Variants in MEGF6 observed in about 807,000 individuals in gnomAD.
MEGF6 encodes the protein multiple epidermal growth factor-like domains protein 6.
MEGF6 carries 184 observed loss-of-function variants against 207.1 expected under a neutral mutation model. The observed-to-expected ratio is 0.89, with a 90% CI of 0.79 to 1.00. The LOEUF (loss-of-function observed/expected upper bound fraction) is 1.00, where lower values mean the gene tolerates loss of function less well. MEGF6 is among the 50% of genes least tolerant of loss of function. MEGF6 has a pLI of 0.00. For missense variants in MEGF6, 2,282 were observed against 2,202.9 expected, an observed-to-expected ratio of 1.04 and a Z score of -0.72; for synonymous variants, 1,038 against 910.0, an observed-to-expected ratio of 1.14 and a Z score of -2.53.
At chr1:3,491,785 G>A (rs1443848679) in intron 35 of MEGF6, among the ~76,000 whole-genome samples, 2 of 150,426 alleles carry the variant, frequency 1.3e-5, no homozygotes, top group South Asian at 4.3e-4. Flanking sequence ...TGGGGGGGGG[G>A]GTGCGGGCAG....
intron 4 of MEGF6, among the ~76,000 whole-genome samples, chr1:3,577,971 C>CG (rs1295682663): frequency 6.6e-6 from 1 of 152,240 alleles, no homozygotes; most frequent in Non-Finnish European, 1.5e-5. Flanking sequence ...GCCGATGCCC[C>CG]GGGGTCCACG....
At chr1:3,511,957 A>T in intron 8 of MEGF6, 49 bp downstream of exon 8, 1 of 1,610,430 alleles carries the variant, frequency 6.2e-7, no homozygotes, top group Non-Finnish European at 8.5e-7. Context: ...CCTGGGGAGC[A>T]GCATGGCCAT....
At chr1:3,569,770 C>T (rs922902715) in intron 4 of MEGF6, among the ~76,000 whole-genome samples, 3 of 152,220 alleles carry the variant, frequency 2.0e-5, no homozygotes, top group Admixed American at 1.3e-4. Flanking sequence ...CCAGGCAGCA[C>T]AGGGGCAGTT....
chr1:3,592,658 A>C (rs1643998333), intron 3 of MEGF6, among the ~76,000 whole-genome samples: 1 of 151,386 alleles, frequency 6.6e-6, no homozygotes, highest in African/African-American at 2.4e-5. Flanking sequence ...CACCCCTCCC[A>C]CCCTTGGGGC....
chr1:3,611,156 A>G lies in MEGF6; in HGVS notation c.113T>C (p.Leu38Pro). Reference sequence around the variant, plus strand: ...TACTCACATGCCGGGCTGCAGCGGGAGCAGGGGCCGCGGCGGAACGCTGGC... The same window carrying G: ...TACTCACATGCCGGGCTGCAGCGGGGGCAGGGGCCGCGGCGGAACGCTGGC... ...VGASVPPRPLLPLQPGMPHVC... is the reference protein window; with the variant it reads ...VGASVPPRPLPPLQPGMPHVC... Residue 38 changes from leucine (L) to proline (P), a missense_variant, in exon 1 of 37, where the codon CTC (leucine) becomes CCC (proline). Physicochemically the swap from Leu to Pro is moderately conservative, Grantham distance 98. Coordinates refer to ENST00000356575, the MANE Select transcript of MEGF6 (RefSeq NM_001409.4). 1 of 1,529,740 alleles carries G rather than the reference A, an allele frequency of 6.5e-7. No homozygotes were observed. Among genetic ancestry groups the G allele is most frequent in the Non-Finnish European group, 8.7e-7 (1 of 1,147,562 alleles). The allele number at this position is 1,529,740 out of a possible 1,614,324, so 94.8% of individuals were successfully genotyped here.
rs768473048 is a variant in MEGF6, at chr1:3,560,705, A to T, written c.481+19120T>A. 5.5e-5 allele frequency: 25 copies of T among 456,562 alleles called. No individual in the cohort carries two copies. Among genetic ancestry groups the T allele is most frequent in the African/African-American group, 4.7e-4 (23 of 49,270 alleles). The allele number at this position is 456,562 out of a possible 1,614,324, so 28.3% of individuals were successfully genotyped here. A position where few individuals can be genotyped will look rare whatever the true frequency, so the allele number is the denominator to read the frequency against. ...CCTCCCCATCTGTGGTTTCCAGGGC[A>T]ACCCTGGAAACCAAGAGTGGGTCGC... On this transcript the variant is annotated intron_variant, in intron 4 of 36. Transcript: ENST00000356575. The surrounding 1 kb of genome is among the most constrained non-coding windows in gnomAD (Gnocchi z 4.0).
chr1:3,559,930 G>C (rs1643145961), intron 4 of MEGF6, among the ~76,000 whole-genome samples: 1 of 151,062 alleles, frequency 6.6e-6, no homozygotes, highest in Admixed American at 6.6e-5. Flanking sequence ...AGAATGGCAT[G>C]AACCCGGGAG....
In MEGF6 at chr1:3,506,172, C is replaced by A. The variant is rs759209527; in HGVS notation, c.1854G>T (p.Arg618=). The A allele has an allele frequency of 6.3e-7, 1 of 1,595,804 alleles. No individual in the cohort carries two copies. Residue 618 remains arginine, a synonymous_variant, in exon 15 of 37, where the codon CGG becomes CGT. Transcript: ENST00000356575. ...GGCAGGCCCCGTAGAGGCGGTGGCA[C>A]CGGCCCCGGTTGGCACAGTTGCATT... The part of the protein sequence containing the change: ...RKKCNCANRG[R]CHRLYGACLC...
intron 4 of MEGF6, among the ~76,000 whole-genome samples, chr1:3,554,342 C>T (rs780869433): frequency 4.6e-5 from 7 of 151,838 alleles, no homozygotes; most frequent in African/African-American, 7.3e-5. Flanking sequence ...GAAAAGCCAG[C>T]GGGGTCTAAC....
In MEGF6 at chr1:3,504,804, C is replaced by T. The variant is rs1050900223; in HGVS notation, c.2188+404G>A. ...ACTGCACCCAGACCACTCTCTGAAC[C>T]GCCACCTCCAGGGGCAGCCTCTGCT... On this transcript the variant is annotated intron_variant, in intron 17 of 36. Transcript: ENST00000356575. 7.9e-5 allele frequency among the ~76,000 whole-genome samples: 12 copies of T among 152,304 alleles called. No homozygotes were observed. The East Asian group carries it at 1.6e-3, about 20-fold the overall frequency.
Position 3,510,771 on chromosome 1 carries a change from G to A in MEGF6, c.1234+12C>T, listed in dbSNP as rs1641312090. On this transcript the variant is annotated intron_variant, in intron 10 of 36. Transcript: ENST00000356575. ...GGCCACCCCAGCTGTGCAGTGGCAGGGCAGTGCTCACCCTCACAGCCGCAG... is the reference window on the plus strand; with the variant it reads ...GGCCACCCCAGCTGTGCAGTGGCAGAGCAGTGCTCACCCTCACAGCCGCAG... 7 of 1,594,806 alleles carry A rather than the reference G, an allele frequency of 4.4e-6. No individual in the cohort carries two copies. The East Asian group carries it at 1.4e-4, about 31-fold the overall frequency.
At chr1:3,589,588 C>T (rs1254648171) in intron 3 of MEGF6, among the ~76,000 whole-genome samples, 1 of 152,172 alleles carries the variant, frequency 6.6e-6, no homozygotes, top group Non-Finnish European at 1.5e-5. Flanking sequence ...CACTTTACTC[C>T]GTAGCATTTC....
chr1:3,500,022 G>T (rs966787071), intron 21 of MEGF6, 98 bp from the exon 22 acceptor site: 3 of 1,422,736 alleles, frequency 2.1e-6, no homozygotes, highest in Non-Finnish European at 1.8e-6. Context: ...TGTGGGACAG[G>T]CCTGGCTCAT....
chr1:3,574,263 C>T (rs1425261942), intron 4 of MEGF6, among the ~76,000 whole-genome samples: 1 of 152,036 alleles, frequency 6.6e-6, no homozygotes, highest in African/African-American at 2.4e-5. Context: ...CGAGAGAGGC[C>T]GAGGACCTTC....
chr1:3,494,878 G>T (rs904929590), intron 30 of MEGF6, 137 bp from the exon 31 acceptor site: 17 of 1,312,774 alleles, frequency 1.3e-5, no homozygotes, highest in Non-Finnish European at 7.1e-6. Flanking sequence ...CCTGCTGGGC[G>T]GGCACATGCC....
chr1:3,522,454 G>C (rs534530216), intron 5 of MEGF6, among the ~76,000 whole-genome samples: 1 of 152,184 alleles, frequency 6.6e-6, no homozygotes, highest in South Asian at 2.1e-4. Flanking sequence ...CATCTGGCCC[G>C]GAGAAGACCT....
rs1643319139 is a variant in MEGF6, at chr1:3,565,534, T to C, written c.481+14291A>G. Among the ~76,000 whole-genome samples the C allele has an allele frequency of 2.0e-5, 3 of 152,010 alleles. No individual in the cohort carries two copies. The highest frequency in any genetic ancestry group is 4.8e-5 in the African/African-American group (2 of 41,378). ...ACCAGGAGCCTATCGGTGCCTGGCT[T>C]GAGAGGAGGACGCTTCGTGCGGGGC... On this transcript the variant is annotated intron_variant, in intron 4 of 36. Transcript: ENST00000356575. The surrounding 1 kb of genome is among the most constrained non-coding windows in gnomAD (Gnocchi z 4.8).
rs1241723594 is a variant in MEGF6 at position 3,512,037 on chromosome 1, A to G, written c.945T>C (p.Tyr315=). 1.2e-6 allele frequency: 2 copies of G among 1,612,600 alleles called. No individual in the cohort carries two copies. The highest frequency in any genetic ancestry group is 1.7e-6 in the Non-Finnish European group (2 of 1,179,952). The change falls in exon 8 of 37, where the codon TAT becomes TAC. Residue 315 remains tyrosine (Y), a synonymous_variant. Transcript: ENST00000356575. ...GSFKCVCHAG[Y]ELGADGRQCY... is the part of the protein sequence containing the mutation. ...ACTGCCGGCCATCGGCGCCCAGCTCATAGCCCGCGTGACACACGCACTTGA... is the reference window on the plus strand; with the variant it reads ...ACTGCCGGCCATCGGCGCCCAGCTCGTAGCCCGCGTGACACACGCACTTGA...
rs576198052 is a variant in MEGF6, at chr1:3,580,659, C to T, written c.377-730G>A. ...CACAGCAGGTGCCCCCCAGGCTGGA[C>T]CGGGTGCCCCCCGGGGGCTCCAATA... On this transcript the variant is annotated intron_variant, in intron 3 of 36. Transcript: ENST00000356575. 2.4e-3 allele frequency among the ~76,000 whole-genome samples: 360 copies of T among 152,218 alleles called. 1 individual carries two copies. The highest frequency in any genetic ancestry group is 3.4e-3 in the Middle Eastern group (1 of 294).
Sources: gnomAD v4.1 joint callset for allele counts (sites outside exome capture counted in the v4.1 genomes callset) on GRCh38, gnomAD v4.1.1 for gene constraint, Gnocchi (gnomAD v3.1) non-coding constraint, MANE v1.5 for transcripts, NCBI Gene and HGNC (gene_info 2026-07-23, HGNC 2026-07-21) for gene names.